The following ARHGAP10 variants were observed in gnomAD, a reference collection of about 807,000 sequenced individuals.
ARHGAP10 encodes the protein Rho GTPase activating protein 10, also known as rho GTPase-activating protein 10.
In ARHGAP10, 87 loss-of-function variants were observed where a neutral mutation model predicts 108.6. The observed-to-expected ratio is 0.80, with a 90% CI of 0.67 to 0.96. The LOEUF is 0.96. Among genes scored for constraint, ARHGAP10 ranks in the 40% least tolerant of loss-of-function variants. ARHGAP10 has a pLI of 0.00. For missense variants in ARHGAP10, 939 were observed against 954.5 expected, an observed-to-expected ratio of 0.98 and a Z score of 0.21; for synonymous variants, 347 against 341.1, an observed-to-expected ratio of 1.02 and a Z score of -0.19.
At chr4:147,833,711 G>T (rs868635570) in intron 3 of ARHGAP10, among the ~76,000 whole-genome samples, 9 of 150,668 alleles carry the variant, frequency 6.0e-5, no homozygotes, top group Middle Eastern at 3.2e-3. Context: ...AGTGCTAAGT[G>T]TTAAGCTATT....
intron 18 of ARHGAP10, among the ~76,000 whole-genome samples, chr4:147,969,324 CTTT>C (rs61078731): frequency 1.2e-3 from 112 of 93,824 alleles, no homozygotes; most frequent in African/African-American, 3.1e-3. Flanking sequence ...TTTGTTTTGC[CTTT>C]TTTTTTTTTT....
intron 7 of ARHGAP10, among the ~76,000 whole-genome samples, chr4:147,873,875 TAAA>T (rs11339382): frequency 2.5e-3 from 331 of 131,956 alleles, no homozygotes; most frequent in Non-Finnish European, 2.8e-3. Flanking sequence ...ACCCTGTCTT[TAAA>T]AAAAAAAAAA....
intron 18 of ARHGAP10, among the ~76,000 whole-genome samples, chr4:148,011,942 G>A (rs7667283): frequency 1.4e-3 from 208 of 152,324 alleles, no homozygotes; most frequent in African/African-American, 4.5e-3. Context: ...AACTAAACGC[G>A]TAAGAATAAC....
At chr4:147,768,501 T>TA (rs568130833) in intron 1 of ARHGAP10, among the ~76,000 whole-genome samples, 143 of 145,702 alleles carry the variant, frequency 9.8e-4, no homozygotes, top group African/African-American at 2.9e-3. Flanking sequence ...TCTCCCTAAT[T>TA]AAAAAAAAAA....
chr4:147,850,295 A>AC (rs1160040021), intron 4 of ARHGAP10, among the ~76,000 whole-genome samples: 1 of 152,238 alleles, frequency 6.6e-6, no homozygotes, highest in African/African-American at 2.4e-5. Flanking sequence ...GTAAGGGAAT[A>AC]AAAGCTGGCC....
intron 1 of ARHGAP10, among the ~76,000 whole-genome samples, chr4:147,743,917 GA>G (rs1296587524): frequency 2.0e-5 from 3 of 152,082 alleles, no homozygotes; most frequent in East Asian, 3.8e-4. Flanking sequence ...GCTAGGCGTA[GA>G]AAAAAAATTA....
intron 13 of ARHGAP10, among the ~76,000 whole-genome samples, chr4:147,918,449 T>G (rs1349592328): frequency 2.6e-5 from 4 of 152,210 alleles, no homozygotes; most frequent in Non-Finnish European, 5.9e-5. Flanking sequence ...TTAAGATCTT[T>G]GAATAATGTT....
intron 3 of ARHGAP10, among the ~76,000 whole-genome samples, chr4:147,845,990 T>C (rs1733615336): frequency 6.6e-6 from 1 of 152,182 alleles, no homozygotes; most frequent in South Asian, 2.1e-4. Context: ...TGAAAGATGA[T>C]CCCTTTTCCC....
At chr4:147,982,080 G>A (rs769861459) in intron 18 of ARHGAP10, among the ~76,000 whole-genome samples, 8 of 152,072 alleles carry the variant, frequency 5.3e-5, no homozygotes, top group Non-Finnish European at 8.8e-5. Context: ...TCCATCACCC[G>A]TGCTGGAAGT....
At chr4:147,846,625 G>T (rs1457944368) in intron 3 of ARHGAP10, among the ~76,000 whole-genome samples, 3 of 152,144 alleles carry the variant, frequency 2.0e-5, no homozygotes, top group Admixed American at 2.0e-4. Flanking sequence ...CCAAGCATTT[G>T]ACTTTTTCGT....
intron 15 of ARHGAP10, among the ~76,000 whole-genome samples, chr4:147,951,403 ATTT>A (rs33957234): frequency 1.0e-4 from 14 of 133,786 alleles, no homozygotes; most frequent in Admixed American, 2.2e-4. Context: ...GGTATAGTTG[ATTT>A]TTTTTTTTTT....
At chr4:148,033,988 TTTGGA>T (rs1728263737) in intron 19 of ARHGAP10, among the ~76,000 whole-genome samples, 1 of 152,166 alleles carries the variant, frequency 6.6e-6, no homozygotes, top group African/African-American at 2.4e-5. Context: ...AACGGTTAAG[TTTGGA>T]TTTAAATTTC....
intron 1 of ARHGAP10, among the ~76,000 whole-genome samples, chr4:147,802,100 A>G (rs943819922): frequency 2.6e-5 from 4 of 152,200 alleles, no homozygotes; most frequent in African/African-American, 9.6e-5. Context: ...AGTGGGGCGT[A>G]TGAGGATGGA....
chr4:147,879,113 A>G, intron 8 of ARHGAP10, 119 bp from the exon 9 acceptor site: 2 of 726,454 alleles, frequency 2.8e-6, no homozygotes, highest in Non-Finnish European at 4.4e-6. Context: ...GATTTGTTTC[A>G]TTGATTCAGC....
intron 1 of ARHGAP10, among the ~76,000 whole-genome samples, chr4:147,757,286 C>T (rs2126700313): frequency 6.6e-6 from 1 of 151,362 alleles, no homozygotes; most frequent in East Asian, 1.9e-4. Context: ...CCTCTGCCTC[C>T]CGTGTTCAAG....
rs964610573 is a variant in ARHGAP10, at chr4:147,893,508, TATA to T, written c.1034+11581_1034+11583del. 4.7e-5 allele frequency among the ~76,000 whole-genome samples: 7 copies of T among 147,710 alleles called. No individual in the cohort carries two copies. The South Asian group carries it at 8.4e-4, about 18-fold the overall frequency. On this transcript the variant is annotated intron_variant, in intron 10 of 22. Coordinates refer to ENST00000336498, the MANE Select transcript of ARHGAP10 (RefSeq NM_024605.4). ...AGAAATACATATTTCAATAAAAAGG[TATA>T]ATAAGAATATATATATTTCAGTAAA...
rs76043087 is a variant in ARHGAP10 at position 147,873,431 on chromosome 4, A to G, written c.703-1590A>G. 6.2e-3 allele frequency among the ~76,000 whole-genome samples: 944 copies of G among 152,086 alleles called. 12 individuals are homozygous for G. Among genetic ancestry groups the G allele is most frequent in the African/African-American group, 0.022 (901 of 41,480 alleles). ...CACATATATGCATATGTGTATATATATTATACACACATGGGGGGAAATGAG... is the reference window on the plus strand; with the variant it reads ...CACATATATGCATATGTGTATATATGTTATACACACATGGGGGGAAATGAG... On this transcript the variant is annotated intron_variant, in intron 7 of 22. Transcript: ENST00000336498.
intron 1 of ARHGAP10, among the ~76,000 whole-genome samples, chr4:147,744,524 G>A (rs538993730): frequency 6.6e-6 from 1 of 152,262 alleles, no homozygotes; most frequent in South Asian, 2.1e-4. Context: ...GTGCAGTTGT[G>A]CAAATGAATC....
chr4:147,733,679 ACCC>A (rs1728314388), intron 1 of ARHGAP10, among the ~76,000 whole-genome samples: 1 of 152,220 alleles, frequency 6.6e-6, no homozygotes, highest in Admixed American at 6.5e-5. Context: ...TGTCTCGGGC[ACCC>A]AGCATGGTGC....
Sources: allele counts gnomAD v4.1 joint callset (sites outside exome capture counted in the v4.1 genomes callset), GRCh38; gene constraint gnomAD v4.1.1; transcripts MANE v1.5; gene names NCBI Gene and HGNC (gene_info 2026-07-23, HGNC 2026-07-21).